The following NOTCH1 variants were observed in gnomAD, a reference collection of about 807,000 sequenced individuals.
The protein encoded by NOTCH1 is notch receptor 1.
Under a neutral mutation model 254.8 loss-of-function variants are expected in NOTCH1, and 37 were observed. That is an observed-to-expected ratio of 0.15 (90% CI 0.11 to 0.19). The LOEUF is 0.19. Among genes scored for constraint, NOTCH1 ranks in the 10% least tolerant of loss-of-function variants. The probability of loss-of-function intolerance (pLI) is 1.00; values close to 1 mark genes in which losing one functional copy is unlikely to be tolerated. For synonymous variants in NOTCH1, 1,731 were observed against 1,618.1 expected, an observed-to-expected ratio of 1.07 and a Z score of -1.68; for missense variants, 2,972 against 3,708.6, an observed-to-expected ratio of 0.80 and a Z score of 5.16.
intron 30 of NOTCH1, 93 bp from the exon 31 acceptor site, chr9:136,500,940 A>C (rs1842985960): frequency 1.4e-6 from 2 of 1,401,858 alleles, no homozygotes; most frequent in Non-Finnish European, 1.9e-6. Context: ...TCAAGGGGCC[A>C]CGGTGTGGAT....
At chr9:136,518,521 G>T in intron 6 of NOTCH1, 70 bp downstream of exon 6, 6 of 1,411,724 alleles carry the variant, frequency 4.3e-6, no homozygotes, top group Non-Finnish European at 4.9e-6. Context: ...ACAGTCCCTG[G>T]GTGAGGTCAC....
intron 2 of NOTCH1, among the ~76,000 whole-genome samples, chr9:136,532,003 G>A (rs1206608672): frequency 1.3e-5 from 2 of 152,230 alleles, no homozygotes; most frequent in Non-Finnish European, 2.9e-5. Context: ...TCACATACTG[G>A]CCCACTGTGC....
chr9:136,544,801 C>A (rs1375640669), intron 1 of NOTCH1, among the ~76,000 whole-genome samples: 1 of 152,128 alleles, frequency 6.6e-6, no homozygotes, highest in East Asian at 1.9e-4. Context: ...CATACACCCA[C>A]AGGAGGGGGA....
At position 136,543,882 on chromosome 9, in the gene NOTCH1, A is replaced by G. The variant is rs541727169; in HGVS notation, c.140+142T>C. On this transcript the variant is annotated intron_variant, in intron 2 of 33. Transcript: ENST00000651671. ...ATTAAGTAATTGCCAGACTTTGTCC[A>G]ATAAAAGTCAGCACGTGACCGTGCC... The G allele has an allele frequency of 9.9e-6, 8 of 808,750 alleles. No individual in the cohort carries two copies. In the East Asian group the frequency reaches 1.3e-4, roughly 13 times the overall value. The allele number at this position is 808,750 out of a possible 1,614,324, so 50.1% of individuals were successfully genotyped here. A position where few individuals can be genotyped will look rare whatever the true frequency, so the allele number is the denominator to read the frequency against.
intron 26 of NOTCH1, among the ~76,000 whole-genome samples, chr9:136,504,128 T>G (rs1403682466): frequency 6.6e-6 from 1 of 152,208 alleles, no homozygotes; most frequent in Non-Finnish European, 1.5e-5. Context: ...AGCGGCATTC[T>G]TGTCTGGGGT....
chr9:136,544,511 C>T (rs1476220752), intron 1 of NOTCH1, among the ~76,000 whole-genome samples: 1 of 152,084 alleles, frequency 6.6e-6, no homozygotes, highest in Non-Finnish European at 1.5e-5. Context: ...ATCCAGCCGC[C>T]GAGATTGCCT....
At chr9:136,518,107 C>A (rs1236981192) in intron 7 of NOTCH1, 30 bp downstream of exon 7, 1 of 1,568,438 alleles carries the variant, frequency 6.4e-7, no homozygotes, top group African/African-American at 1.4e-5. Flanking sequence ...GCCACCCCCA[C>A]CTGGCCGCAC....
chr9:136,519,730 A>G (rs1336512639), intron 4 of NOTCH1, 165 bp from the exon 5 acceptor site: 6 of 895,760 alleles, frequency 6.7e-6, no homozygotes, highest in Non-Finnish European at 1.1e-5. Flanking sequence ...GCCCAGAGGG[A>G]CACGCCCTGC....
intron 2 of NOTCH1, among the ~76,000 whole-genome samples, chr9:136,527,563 T>C (rs998749549): frequency 6.6e-6 from 1 of 152,080 alleles, no homozygotes; most frequent in Non-Finnish European, 1.5e-5. Context: ...CCTCTGGGGC[T>C]AAAAAGTGAG....
At chr9:136,505,911 G>A (rs765279046) in intron 24 of NOTCH1, 30 bp from the exon 25 acceptor site, 68 of 1,553,506 alleles carry the variant, frequency 4.4e-5, no homozygotes, top group Non-Finnish European at 5.3e-5. Context: ...GGACGGTGTC[G>A]GGGTGGGCCA....
At chr9:136,499,471 G>A (rs138868894) in intron 31 of NOTCH1, among the ~76,000 whole-genome samples, 45 of 152,354 alleles carry the variant, frequency 3.0e-4, no homozygotes, top group Admixed American at 5.2e-4. Context: ...CCACAGACAG[G>A]CCCCTTGGTG....
chr9:136,510,999 C>T (rs1843172951), intron 16 of NOTCH1, among the ~76,000 whole-genome samples, 153 bp downstream of exon 16: 1 of 152,216 alleles, frequency 6.6e-6, no homozygotes, highest in South Asian at 2.1e-4. Context: ...GCTCCCAGGT[C>T]AATTCCTGAT....
intron 9 of NOTCH1, among the ~76,000 whole-genome samples, chr9:136,516,701 C>T (rs1843278364): frequency 6.6e-6 from 1 of 152,166 alleles, no homozygotes; most frequent in African/African-American, 2.4e-5. Flanking sequence ...CTGGGCACTG[C>T]AGCTCCTGGT....
At chr9:136,517,992 C>A (rs2133369318) in intron 7 of NOTCH1, 55 bp from the exon 8 acceptor site, 1 of 1,594,016 alleles carries the variant, frequency 6.3e-7, no homozygotes, top group Non-Finnish European at 8.5e-7. Flanking sequence ...CCCTGCAACA[C>A]CTCACTGCAC....
rs954507677 is a variant in NOTCH1, at chr9:136,505,625, A to G, written c.4271T>C (p.Leu1424Ser). The change falls in exon 25 of 34, where the codon TTG (leucine) becomes TCG (serine). Residue 1424 changes from leucine (L) to serine (S), a missense_variant. Around this residue, in one of 8 missense-constraint regions of NOTCH1, gnomAD observed 1,343 missense variants for 1,557.0 expected, o/e 0.86. Transcript: ENST00000651671. ...CLCPAKFNGLLCHILDYSFGG... is the reference protein window; with the variant it reads ...CLCPAKFNGLSCHILDYSFGG... ...GAAGCTGTAGTCCAGGATGTGGCAC[A>G]AGAGCCCGTTGAATTTGGCGGGGCA... 18 of 1,612,034 alleles carry G rather than the reference A, an allele frequency of 1.1e-5. No individual in the cohort carries two copies. The Middle Eastern group carries it at 6.6e-4, about 59-fold the overall frequency.
Position 136,499,224 on chromosome 9 carries a change from G to C in NOTCH1, c.5970C>G (p.Ala1990=), listed in dbSNP as rs1842961230. 6.2e-7 allele frequency: 1 copy of C among 1,613,306 alleles called. No homozygotes were observed. Among genetic ancestry groups the C allele is most frequent in the Non-Finnish European group, 8.5e-7 (1 of 1,180,000 alleles). Reference sequence around the variant, plus strand: ...GTGGCGTCGTGCCATCATGCATGCGGGCATCCAGGTCTGTGGCTCGGTTCC... The same window carrying C: ...GTGGCGTCGTGCCATCATGCATGCGCGCATCCAGGTCTGTGGCTCGGTTCC... ...LIRNRATDLD[A]RMHDGTTPLI... The change falls in exon 32 of 34, where the codon GCC becomes GCG. Residue 1990 remains alanine (A), a synonymous_variant. Coordinates refer to ENST00000651671, the MANE Select transcript of NOTCH1 (RefSeq NM_017617.5).
intron 2 of NOTCH1, among the ~76,000 whole-genome samples, chr9:136,530,537 G>C (rs1367297691): frequency 6.6e-6 from 1 of 152,198 alleles, no homozygotes; most frequent in African/African-American, 2.4e-5. Context: ...AAAATGCCAA[G>C]ACACAGCCCA....
chr9:136,536,933 C>T (rs769367609), intron 2 of NOTCH1, among the ~76,000 whole-genome samples: 27 of 152,238 alleles, frequency 1.8e-4, no homozygotes, highest in South Asian at 8.3e-4. Context: ...TCAGTGACCG[C>T]GGCCCCACTG....
In NOTCH1 at chr9:136,544,006, CGCAG is replaced by C. The variant is rs1375098190; in HGVS notation, c.140+14_140+17del. ...CTGCCCTCGACAAAGCAACAGGTCC[CGCAG>C]GGGTGGTACTCACACGCAGGCCTCC... On this transcript the variant is annotated intron_variant, in intron 2 of 33. Transcript: ENST00000651671. The C allele has an allele frequency of 6.4e-7, 1 of 1,561,798 alleles. No individual in the cohort carries two copies. Among genetic ancestry groups the C allele is most frequent in the Non-Finnish European group, 8.7e-7 (1 of 1,153,552 alleles).
Sources: allele counts gnomAD v4.1 joint callset (sites outside exome capture counted in the v4.1 genomes callset), GRCh38; gene constraint gnomAD v4.1.1; regional missense constraint gnomAD v4.1.1; transcripts MANE v1.5; gene names NCBI Gene and HGNC (gene_info 2026-07-23, HGNC 2026-07-21).